The following ZNF292 variants were observed in gnomAD, a reference collection of about 807,000 sequenced individuals.
ZNF292 encodes the protein zinc finger protein 292, also known as 16 zinc-finger domain protein.
ZNF292 carries 26 observed loss-of-function variants against 217.9 expected under a neutral mutation model. That is an observed-to-expected ratio of 0.12 (90% CI 0.09 to 0.17). The LOEUF (loss-of-function observed/expected upper bound fraction) is 0.17, where lower values mean the gene tolerates loss of function less well. Ranked by LOEUF, ZNF292 falls within the 10% of genes least tolerant of loss-of-function variation. ZNF292 has a pLI of 1.00. For missense variants in ZNF292, 2,904 were observed against 3,175.2 expected (o/e 0.91, Z 2.05); for synonymous variants, 1,257 against 1,124.1 (o/e 1.12, Z -2.37).
chr6:87,165,073 C>G (rs1365576063), intron 1 of ZNF292, among the ~76,000 whole-genome samples: 2 of 152,014 alleles, frequency 1.3e-5, no homozygotes, highest in Non-Finnish European at 2.9e-5. Context: ...AGAATGACCT[C>G]TTTATTTACT....
At chr6:87,239,550 GA>G (rs1774123264) in intron 5 of ZNF292, among the ~76,000 whole-genome samples, 1 of 35,688 alleles carries the variant, frequency 2.8e-5, no homozygotes, top group Non-Finnish European at 6.5e-5. Flanking sequence ...CCACCTCCCG[GA>G]CAGGGCGGCT....
At chr6:87,227,049 TTAAA>T (rs1427711404) in intron 4 of ZNF292, among the ~76,000 whole-genome samples, 1 of 152,174 alleles carries the variant, frequency 6.6e-6, no homozygotes, top group East Asian at 1.9e-4. Context: ...ATACTCATAA[TTAAA>T]TCTTATTTTA....
chr6:87,257,646 A>G lies in ZNF292; in HGVS notation c.4017A>G (p.Ala1339=). The change falls in exon 8 of 8, where the codon GCA becomes GCG. Residue 1339 remains alanine (A), a synonymous_variant. Transcript: ENST00000369577. ...NFSSTNAQQS[A]PEKVKKDRGR... ...GTAGCACCAATGCCCAACAGTCTGC[A>G]CCTGAAAAAGTTAAAAAAGACCGTG... 1 of 1,609,448 alleles carries G rather than the reference A, an allele frequency of 6.2e-7. No homozygotes were observed. Among genetic ancestry groups the G allele is most frequent in the Non-Finnish European group, 8.5e-7 (1 of 1,177,630 alleles).
At chr6:87,156,459 G>T (rs1770544012) in intron 1 of ZNF292, among the ~76,000 whole-genome samples, 1 of 152,170 alleles carries the variant, frequency 6.6e-6, no homozygotes, top group Non-Finnish European at 1.5e-5. Context: ...GTGTAGAGGA[G>T]CTGTGCCTGT....
chr6:87,210,015 T>C (rs1404377709), intron 1 of ZNF292, among the ~76,000 whole-genome samples: 1 of 152,186 alleles, frequency 6.6e-6, no homozygotes, highest in African/African-American at 2.4e-5. Context: ...AATAATGTAA[T>C]TTAATCCCCA....
intron 5 of ZNF292, among the ~76,000 whole-genome samples, chr6:87,243,012 T>C (rs1373038980): frequency 2.6e-5 from 4 of 152,150 alleles, no homozygotes; most frequent in Non-Finnish European, 5.9e-5. Context: ...CATGAATAGA[T>C]ACGTAGTTTA....
intron 7 of ZNF292, among the ~76,000 whole-genome samples, chr6:87,253,428 C>T (rs1251513044): frequency 1.3e-5 from 2 of 151,798 alleles, no homozygotes; most frequent in Non-Finnish European, 2.9e-5. Flanking sequence ...GGGGGTTTCC[C>T]TATGTTGCCC....
At chr6:87,214,400 G>A (rs549717793) in intron 1 of ZNF292, among the ~76,000 whole-genome samples, 17 of 152,172 alleles carry the variant, frequency 1.1e-4, no homozygotes, top group African/African-American at 3.1e-4. Context: ...TTATCCTCAC[G>A]TAGAATCTAT....
intron 1 of ZNF292, among the ~76,000 whole-genome samples, chr6:87,180,768 A>G (rs148844739): frequency 6.6e-6 from 1 of 152,054 alleles, no homozygotes; most frequent in African/African-American, 2.4e-5. Context: ...GGGAGTGGGG[A>G]CCCTCTTCTA....
At chr6:87,157,202 A>G (rs1770571598) in intron 1 of ZNF292, among the ~76,000 whole-genome samples, 2 of 150,476 alleles carry the variant, frequency 1.3e-5, no homozygotes. Context: ...CTGTGAGATC[A>G]AGTGGTGACG....
chr6:87,165,286 T>G (rs1770878136), intron 1 of ZNF292, among the ~76,000 whole-genome samples: 1 of 152,188 alleles, frequency 6.6e-6, no homozygotes, highest in Admixed American at 6.5e-5. Context: ...TTCTCAGATT[T>G]CAGTTTGCAG....
At chr6:87,162,954 T>C (rs1479461514) in intron 1 of ZNF292, among the ~76,000 whole-genome samples, 2 of 152,348 alleles carry the variant, frequency 1.3e-5, no homozygotes, top group Admixed American at 6.5e-5. Flanking sequence ...AATATGTTTG[T>C]CAGCATACAT....
At chr6:87,187,324 TTTAAAAGAAAATCTTGTTCAGTAAC>T in intron 1 of ZNF292, among the ~76,000 whole-genome samples, 1 of 152,204 alleles carries the variant, frequency 6.6e-6, no homozygotes, top group African/African-American at 2.4e-5. Flanking sequence ...ATCAGTAAAG[TTTAAAAGAAAATCTTGTTCAGTAAC>T]TCACTTTACT....
At chr6:87,185,393 C>T (rs1408134100) in intron 1 of ZNF292, among the ~76,000 whole-genome samples, 1 of 152,204 alleles carries the variant, frequency 6.6e-6, no homozygotes, top group African/African-American at 2.4e-5. Flanking sequence ...ATGATGAGCA[C>T]TGCTTTCGTT....
At chr6:87,233,867 A>G (rs1032732064) in intron 5 of ZNF292, among the ~76,000 whole-genome samples, 7 of 152,204 alleles carry the variant, frequency 4.6e-5, no homozygotes, top group Non-Finnish European at 7.3e-5. Flanking sequence ...ATACTTGCAC[A>G]TCTTTTAAAC....
At chr6:87,180,874 A>G (rs1383329477) in intron 1 of ZNF292, among the ~76,000 whole-genome samples, 1 of 152,142 alleles carries the variant, frequency 6.6e-6, no homozygotes, top group African/African-American at 2.4e-5. Context: ...TTCCTATTAC[A>G]ATTAATAATT....
chr6:87,247,350 T>G (rs545185740), intron 7 of ZNF292, among the ~76,000 whole-genome samples: 1 of 152,014 alleles, frequency 6.6e-6, no homozygotes, highest in African/African-American at 2.4e-5. Flanking sequence ...TGAAGTACTT[T>G]AATTTTATTG....
intron 1 of ZNF292, among the ~76,000 whole-genome samples, chr6:87,205,562 A>T (rs1772225788): frequency 6.6e-6 from 1 of 152,098 alleles, no homozygotes; most frequent in African/African-American, 2.4e-5. Flanking sequence ...TTTTCAGATA[A>T]GATGATTCTT....
intron 1 of ZNF292, among the ~76,000 whole-genome samples, chr6:87,196,077 A>G (rs1222258571): frequency 1.3e-5 from 2 of 151,942 alleles, no homozygotes; most frequent in East Asian, 1.9e-4. Context: ...GGATGTTTCT[A>G]TTTGTAAAAA....
Sources: allele counts gnomAD v4.1 joint callset (sites outside exome capture counted in the v4.1 genomes callset), GRCh38; gene constraint gnomAD v4.1.1; transcripts MANE v1.5; gene names NCBI Gene and HGNC (gene_info 2026-07-23, HGNC 2026-07-21).